TRIM55: variants seen among roughly 807,000 people sequenced by gnomAD.
TRIM55 encodes tripartite motif-containing protein 55.
Under a neutral mutation model 60.9 loss-of-function variants are expected in TRIM55, and 50 were observed. The observed-to-expected ratio is 0.82, with a 90% CI of 0.65 to 1.04. The LOEUF is 1.04. Ranked by LOEUF, TRIM55 falls within the 50% of genes least tolerant of loss-of-function variation. TRIM55 has a pLI of 0.00. For missense variants in TRIM55, 681 were observed against 666.9 expected (o/e 1.02, Z -0.23); for synonymous variants, 237 against 238.1 (o/e 1.00, Z 0.04).
At chr8:66,140,229 T>G (rs1293591140) in intron 4 of TRIM55, among the ~76,000 whole-genome samples, 2 of 152,206 alleles carry the variant, frequency 1.3e-5, no homozygotes, top group African/African-American at 4.8e-5. Context: ...GATATTTACA[T>G]ATAGCCTCCT....
intron 9 of TRIM55, among the ~76,000 whole-genome samples, chr8:66,160,242 A>G (rs1279926505): frequency 6.6e-6 from 1 of 152,104 alleles, no homozygotes; most frequent in African/African-American, 2.4e-5. Context: ...AGAACATACA[A>G]TGTTTGGTTT....
At chr8:66,138,477 C>T (rs1488752215) in intron 4 of TRIM55, among the ~76,000 whole-genome samples, 2 of 152,162 alleles carry the variant, frequency 1.3e-5, no homozygotes, top group East Asian at 1.9e-4. Context: ...GCAACCTCCA[C>T]CTCCCAGGTT....
intron 9 of TRIM55, among the ~76,000 whole-genome samples, chr8:66,159,317 T>C (rs1195260137): frequency 6.6e-6 from 1 of 152,262 alleles, no homozygotes; most frequent in African/African-American, 2.4e-5. Context: ...TGGCTTTTTT[T>C]CACTTAGCAT....
intron 2 of TRIM55, among the ~76,000 whole-genome samples, chr8:66,129,586 T>G (rs771276318): frequency 6.6e-6 from 1 of 152,220 alleles, no homozygotes; most frequent in African/African-American, 2.4e-5. Context: ...TTGCAGAGAT[T>G]GCAGCTGGCT....
chr8:66,162,028 G>A (rs189375691), intron 9 of TRIM55, among the ~76,000 whole-genome samples: 187 of 152,022 alleles, frequency 1.2e-3, no homozygotes, highest in Non-Finnish European at 5.4e-4. Flanking sequence ...TTATCTGATT[G>A]CTCTGGCTAG....
chr8:66,127,553 G>A (rs948786844), intron 1 of TRIM55, 117 bp downstream of exon 1: 145 of 1,275,956 alleles, frequency 1.1e-4, no homozygotes, highest in Admixed American at 2.3e-4. Context: ...GTTGCCGGGC[G>A]CTTTGGCTCA....
intron 4 of TRIM55, among the ~76,000 whole-genome samples, chr8:66,144,897 A>AT (rs1415270876): frequency 1.3e-5 from 2 of 152,160 alleles, no homozygotes; most frequent in Non-Finnish European, 2.9e-5. Flanking sequence ...AAAAGTCCAC[A>AT]TTTTTTCCTA....
chr8:66,144,778 T>A (rs1023451745), intron 4 of TRIM55, among the ~76,000 whole-genome samples: 1 of 152,230 alleles, frequency 6.6e-6, no homozygotes, highest in Non-Finnish European at 1.5e-5. Context: ...GGAGCAGTCT[T>A]TGAGATGAGG....
chr8:66,123,588 G>T (rs532648818), upstream of TRIM55, among the ~76,000 whole-genome samples: 1 of 152,206 alleles, frequency 6.6e-6, no homozygotes, highest in East Asian at 1.9e-4. Context: ...GGAAGATAGA[G>T]ATCAGCTCTG....
At chr8:66,117,330 A>C in the TRIM55 span, among the ~76,000 whole-genome samples, 1 of 152,226 alleles carries the variant, frequency 6.6e-6, no homozygotes, top group African/African-American at 2.4e-5. Context: ...GGAAGAGGGA[A>C]AACTGTCTCT....
chr8:66,140,421 G>C (rs1169009483), intron 4 of TRIM55, among the ~76,000 whole-genome samples: 1 of 152,240 alleles, frequency 6.6e-6, no homozygotes, highest in Non-Finnish European at 1.5e-5. Context: ...ACTCACATGA[G>C]CATAGTTCTT....
rs749380101 is a variant in TRIM55 at position 66,128,373 on chromosome 8, T to C, written c.238T>C (p.Ser80Pro). The C allele has an allele frequency of 6.2e-7, 1 of 1,613,860 alleles. No homozygotes were observed. The highest frequency in any genetic ancestry group is 2.2e-5 in the East Asian group (1 of 44,866). ...ATCAGGGGGCCGATTCCGCTGCCCA[T>C]CCTGTAGACATGAAGTGGTTTTGGA... is the stretch of plus-strand genomic sequence containing the variant. ...MASGGRFRCP[S>P]CRHEVVLDRH... Residue 80 changes from serine (S) to proline (P), a missense_variant, in exon 2 of 10, where the codon TCC becomes CCC. Transcript: ENST00000315962.
At chr8:66,114,702 T>G in the TRIM55 span, 18 of 452,104 alleles carry the variant, frequency 4.0e-5, no homozygotes, top group Admixed American at 4.3e-4. Flanking sequence ...CGGCCCCATC[T>G]CAAGTCCGCA....
intron 4 of TRIM55, among the ~76,000 whole-genome samples, chr8:66,145,886 G>C (rs910687441): frequency 3.9e-5 from 6 of 152,186 alleles, no homozygotes; most frequent in Non-Finnish European, 8.8e-5. Context: ...TATGGGCCCA[G>C]CTGGGTGTGG....
intron 9 of TRIM55, among the ~76,000 whole-genome samples, chr8:66,169,013 G>C (rs1811472370): frequency 6.6e-6 from 1 of 152,172 alleles, no homozygotes; most frequent in South Asian, 2.1e-4. Context: ...GGATGATGTA[G>C]AGAATGATCA....
intron 9 of TRIM55, among the ~76,000 whole-genome samples, chr8:66,172,183 G>A (rs1469219913): frequency 6.6e-6 from 1 of 152,152 alleles, no homozygotes; most frequent in Non-Finnish European, 1.5e-5. Context: ...AACCTTGTAA[G>A]GTAGGTTCTC....
At chr8:66,168,028 G>T (rs1811419567) in intron 9 of TRIM55, among the ~76,000 whole-genome samples, 1 of 152,196 alleles carries the variant, frequency 6.6e-6, no homozygotes, top group African/African-American at 2.4e-5. Context: ...GGGATTACAG[G>T]CATGAGCCAT....
rs1811846649 is a variant in TRIM55, at chr8:66,175,035, G to A, written c.*442G>A. On this transcript the variant is annotated 3_prime_UTR_variant, in exon 10 of 10. Coordinates refer to ENST00000315962, the MANE Select transcript of TRIM55 (RefSeq NM_184085.2). Reference sequence around the variant, plus strand: ...AGTGAAAATCAGTGTCAACTCAGAAGTGACTGATTTATCAATACATGGACA... The same window carrying A: ...AGTGAAAATCAGTGTCAACTCAGAAATGACTGATTTATCAATACATGGACA... 1 of 152,782 alleles carries A rather than the reference G, an allele frequency of 6.5e-6. No homozygotes were observed. 9.5% of individuals were successfully genotyped at this position (152,782 alleles called of 1,614,324 possible).
rs1206097329 is a variant in TRIM55 at position 66,152,550 on chromosome 8, G to A, written c.1159G>A (p.Ala387Thr). Residue 387 changes from alanine to threonine, a missense_variant, in exon 8 of 10, where the codon GCC becomes ACC. Physicochemically the swap from Ala to Thr is moderately conservative, Grantham distance 58. Transcript: ENST00000315962. Reference protein sequence around the residue: ...SELSQVELQAAPGALPVSSPE... With the variant: ...SELSQVELQATPGALPVSSPE... Reference sequence around the variant, plus strand: ...GCTCTCTCAGGTGGAGCTGCAGGCTGCCCCTGGGGCACTTCCAGTTTCCTC... The same window carrying A: ...GCTCTCTCAGGTGGAGCTGCAGGCTACCCCTGGGGCACTTCCAGTTTCCTC... 2.5e-6 allele frequency: 4 copies of A among 1,614,048 alleles called. No homozygotes were observed. The highest frequency in any genetic ancestry group is 3.4e-6 in the Non-Finnish European group (4 of 1,180,038).
Sources: allele counts gnomAD v4.1 joint callset (sites outside exome capture counted in the v4.1 genomes callset), GRCh38; gene constraint gnomAD v4.1.1; transcripts MANE v1.5; gene names NCBI Gene and HGNC (gene_info 2026-07-23, HGNC 2026-07-21).